Variants in SLC46A2 observed in about 807,000 individuals in gnomAD.
The protein encoded by SLC46A2 is solute carrier family 46 member 2, also known as thymic stromal co-transporter.
Under a neutral mutation model 33.1 loss-of-function variants are expected in SLC46A2, and 25 were observed. That is an observed-to-expected ratio of 0.76 (90% CI 0.55 to 1.06). The LOEUF (loss-of-function observed/expected upper bound fraction) is 1.06. SLC46A2 is among the 50% of genes least tolerant of loss of function. The probability of loss-of-function intolerance (pLI) is 0.00; values close to 1 mark genes in which losing one functional copy is unlikely to be tolerated. For synonymous variants in SLC46A2, 254 were observed against 275.9 expected (o/e 0.92, Z 0.79); for missense variants, 622 against 621.7 (o/e 1.00, Z 0.00).
At position 112,890,728 on chromosome 9, in the gene SLC46A2, A is replaced by G. The variant is rs1472568637; in HGVS notation, c.-47T>C. 18 of 1,552,364 alleles carry G rather than the reference A, an allele frequency of 1.2e-5. No homozygotes were observed. The highest frequency in any genetic ancestry group is 1.8e-5 in the Admixed American group (1 of 55,868). On this transcript the variant is annotated 5_prime_UTR_variant, in exon 1 of 4. Coordinates refer to ENST00000374228, the MANE Select transcript of SLC46A2 (RefSeq NM_033051.4). This position sits in a 1 kb window ranked among gnomAD's most constrained non-coding sequence, Gnocchi z 6.0. ...GAAGGGCTTTCTGGCTGCAGTGACA[A>G]GGATATGCTCCCAAATTCGGCTGCT...
chr9:112,888,122 A>G (rs760268112), intron 1 of SLC46A2, among the ~76,000 whole-genome samples: 21 of 152,110 alleles, frequency 1.4e-4, no homozygotes, highest in Non-Finnish European at 2.4e-4. Flanking sequence ...TACTAGAAAT[A>G]CAAAATTAGC....
chr9:112,885,591 A>G (rs1841632419), intron 3 of SLC46A2: 1 of 152,112 alleles, frequency 6.6e-6, no homozygotes, highest in South Asian at 2.1e-4. Flanking sequence ...GGGTTACTGA[A>G]TACTTGAAAT....
intron 2 of SLC46A2, 137 bp from the exon 3 acceptor site, chr9:112,886,753 C>A: frequency 1.2e-5 from 11 of 917,588 alleles, no homozygotes; most frequent in African/African-American, 3.3e-5. Context: ...GAGACAGAGT[C>A]TTACTCTGTT....
chr9:112,887,523 C>T, intron 1 of SLC46A2, 110 bp from the exon 2 acceptor site: 2 of 981,272 alleles, frequency 2.0e-6, no homozygotes, highest in Non-Finnish European at 2.9e-6. Context: ...CCGAATGTGG[C>T]TTGACCTGGA....
At chr9:112,881,946 A>T (rs1262422991) in intron 3 of SLC46A2, among the ~76,000 whole-genome samples, 1 of 152,088 alleles carries the variant, frequency 6.6e-6, no homozygotes, top group Non-Finnish European at 1.5e-5. Context: ...GGGTGGGAAA[A>T]AGTTGTGGAT....
intron 1 of SLC46A2, 73 bp from the exon 2 acceptor site, chr9:112,887,486 C>G (rs1380247106): frequency 2.2e-6 from 3 of 1,351,696 alleles, no homozygotes; most frequent in Non-Finnish European, 3.0e-6. Flanking sequence ...TCAAAAGCCT[C>G]TCTTAGAACC....
In SLC46A2 at chr9:112,881,268, A is replaced by G. The variant is rs114566286; in HGVS notation, c.1371-1449T>C. Among the ~76,000 whole-genome samples, 1,179 of 152,286 alleles carry G rather than the reference A, an allele frequency of 7.7e-3. 21 individuals carry two copies. The highest frequency in any genetic ancestry group is 0.027 in the African/African-American group (1,138 of 41,552). ...CAGCGCAGCACTTCTTGATGGATGA[A>G]CAACACCTGGAGTTGCTAAAATGGG... On this transcript the variant is annotated intron_variant, in intron 3 of 3. Coordinates refer to ENST00000374228, the MANE Select transcript of SLC46A2 (RefSeq NM_033051.4).
chr9:112,887,849 A>G (rs1024558798), intron 1 of SLC46A2, among the ~76,000 whole-genome samples: 1 of 152,138 alleles, frequency 6.6e-6, no homozygotes, highest in African/African-American at 2.4e-5. Context: ...AATGTGTCCC[A>G]TGAACGCATC....
intron 3 of SLC46A2, among the ~76,000 whole-genome samples, chr9:112,882,520 G>C (rs529325146): frequency 1.3e-5 from 2 of 152,340 alleles, no homozygotes; most frequent in South Asian, 4.1e-4. Context: ...CTGCTGGAGA[G>C]AGGATGGGAG....
rs1201803579 is a variant in SLC46A2, at chr9:112,887,344, T to G, written c.1199A>C (p.Lys400Thr). 6.2e-7 allele frequency: 1 copy of G among 1,611,736 alleles called. No homozygotes were observed. The highest frequency in any genetic ancestry group is 1.7e-5 in the Admixed American group (1 of 59,290). ...TCACTACTCACCATAAGAGGAGCCCTTTATGAGTTTGGACATAGCTGATCG... is the reference window on the plus strand; with the variant it reads ...TCACTACTCACCATAAGAGGAGCCCGTTATGAGTTTGGACATAGCTGATCG... ...TIRSAMSKLI[K>T]GSSYGKVFVI... Residue 400 changes from lysine (K) to threonine (T), a missense_variant, in exon 2 of 4, where the codon AAG becomes ACG. Coordinates refer to ENST00000374228, the MANE Select transcript of SLC46A2 (RefSeq NM_033051.4).
In SLC46A2 at chr9:112,886,524, T is replaced by C; in HGVS notation, c.1306A>G (p.Met436Val). ...YNKIYQLTMD[M>V]FVGSCFALSS... ...AGAGCAAAGCAGGAGCCCACAAACATGTCCATGGTGAGCTGGTAGATCTTG... is the reference window on the plus strand; with the variant it reads ...AGAGCAAAGCAGGAGCCCACAAACACGTCCATGGTGAGCTGGTAGATCTTG... Residue 436 changes from methionine (M) to valine (V), a missense_variant, in exon 3 of 4, where the codon ATG becomes GTG. Physicochemically the swap from Met to Val is conservative, Grantham distance 21. Transcript: ENST00000374228. 1.2e-6 allele frequency: 2 copies of C among 1,614,130 alleles called. No homozygotes were observed. Among genetic ancestry groups the C allele is most frequent in the East Asian group, 2.2e-5 (1 of 44,878 alleles).
chr9:112,889,107 T>C (rs1372333818), intron 1 of SLC46A2, among the ~76,000 whole-genome samples: 1 of 152,118 alleles, frequency 6.6e-6, no homozygotes, highest in African/African-American at 2.4e-5. Context: ...GCCAGGCTGG[T>C]CTTGAACTCC....
intron 1 of SLC46A2, 81 bp from the exon 2 acceptor site, chr9:112,887,494 AC>A (rs2131546467): frequency 2.4e-6 from 3 of 1,264,084 alleles, no homozygotes; most frequent in Non-Finnish European, 3.3e-6. Context: ...CTCTCTTAGA[AC>A]CCCCATCTCC....
Position 112,890,295 on chromosome 9 carries a change from C to G in SLC46A2, c.387G>C (p.Leu129=), listed in dbSNP as rs774530254. ...SRLGLLLKVL[L]DWPVEVLYGA... ...CGTACAGCACCTCCACTGGCCAGTC[C>G]AGCAGCACCTTGAGCAGCAGCCCGA... The change falls in exon 1 of 4, where the codon CTG becomes CTC. Residue 129 remains leucine, a synonymous_variant. Transcript: ENST00000374228. This position sits in a 1 kb window ranked among gnomAD's most constrained non-coding sequence, Gnocchi z 6.0. 6.2e-6 allele frequency: 10 copies of G among 1,613,568 alleles called. No individual in the cohort carries two copies. The African/African-American group carries it at 1.3e-4, about 22-fold the overall frequency.
At position 112,890,405 on chromosome 9, in the gene SLC46A2, C is replaced by T. The variant is rs1564307281; in HGVS notation, c.277G>A (p.Ala93Thr). 2 of 1,614,184 alleles carry T rather than the reference C, an allele frequency of 1.2e-6. No homozygotes were observed. Among genetic ancestry groups the T allele is most frequent in the Non-Finnish European group, 1.7e-6 (2 of 1,180,046 alleles). The change falls in exon 1 of 4, where the codon GCC (alanine) becomes ACC (threonine). Residue 93 changes from alanine (A) to threonine (T), a missense_variant. Physicochemically the swap from Ala to Thr is moderately conservative, Grantham distance 58 (BLOSUM62 0). Transcript: ENST00000374228. This position sits in a 1 kb window ranked among gnomAD's most constrained non-coding sequence, Gnocchi z 6.0. Reference protein sequence around the residue: ...LVVGLSPLLSAYGLGWLSDRY... With the variant: ...LVVGLSPLLSTYGLGWLSDRY... ...TCGCTGAGCCATCCCAGCCCGTAGG[C>T]GGACAGCAGGGGGGACAGGCCCACC...
chr9:112,887,300 G>T (rs1167202875), intron 2 of SLC46A2, 30 bp downstream of exon 2: 1 of 1,604,196 alleles, frequency 6.2e-7, no homozygotes, highest in Admixed American at 1.7e-5. Flanking sequence ...CCGGGCAGAA[G>T]ATTCCAGAGA....
chr9:112,880,322 T>A (rs1425682069), intron 3 of SLC46A2: 1 of 91,318 alleles, frequency 1.1e-5, no homozygotes, highest in Non-Finnish European at 2.1e-5. Context: ...CAGACTGAGA[T>A]TCTGTCTCAA....
At chr9:112,885,586 A>G (rs1449447688) in intron 3 of SLC46A2, 2 of 152,188 alleles carry the variant, frequency 1.3e-5, no homozygotes, top group African/African-American at 4.8e-5. Flanking sequence ...CATGTGGGTT[A>G]CTGAATACTT....
In SLC46A2 at chr9:112,890,479, T is replaced by C. The variant is rs1473231134; in HGVS notation, c.203A>G (p.Asp68Gly). 1 of 1,614,158 alleles carries C rather than the reference T, an allele frequency of 6.2e-7. No individual in the cohort carries two copies. Among genetic ancestry groups the C allele is most frequent in the South Asian group, 1.1e-5 (1 of 91,080 alleles). Residue 68 changes from aspartate to glycine, a missense_variant, in exon 1 of 4, where the codon GAC becomes GGC. Asp to Gly is a moderately conservative substitution (Grantham distance 94, BLOSUM62 -1). Coordinates refer to ENST00000374228, the MANE Select transcript of SLC46A2 (RefSeq NM_033051.4). The surrounding 1 kb of genome is among the most constrained non-coding windows in gnomAD (Gnocchi z 6.0). ...ATTGGAGATGGCTCTCTGCTGTTGG[T>C]CCTCTAGAGCCCCCCGGGGCGATGG... Reference protein sequence around the residue: ...ASPSPRGALEDQQQRAISNFY... With the variant: ...ASPSPRGALEGQQQRAISNFY...
Sources: gnomAD v4.1 joint callset for allele counts (sites outside exome capture counted in the v4.1 genomes callset) on GRCh38, gnomAD v4.1.1 for gene constraint, Gnocchi (gnomAD v3.1) non-coding constraint, MANE v1.5 for transcripts, NCBI Gene and HGNC (gene_info 2026-07-23, HGNC 2026-07-21) for gene names.